The following SLC16A12 variants were observed in gnomAD, a reference collection of about 807,000 sequenced individuals.
SLC16A12 encodes the protein monocarboxylate transporter 12.
A neutral mutation model predicts 42.4 loss-of-function variants in SLC16A12; 17 were observed. The ratio of observed to expected loss-of-function variants is 0.40; its 90% CI spans 0.27 to 0.60. The LOEUF is 0.60. Among genes scored for constraint, SLC16A12 ranks in the 20% least tolerant of loss-of-function variants. The pLI is 0.42. For missense variants in SLC16A12, 544 were observed against 623.0 expected (o/e 0.87, Z 1.35); for synonymous variants, 224 against 229.4 (o/e 0.98, Z 0.21).
chr10:89,531,300 G>C (rs1843549834), intron 2 of SLC16A12, among the ~76,000 whole-genome samples: 1 of 152,128 alleles, frequency 6.6e-6, no homozygotes, highest in East Asian at 1.9e-4. Flanking sequence ...TCAGGAGGCT[G>C]AGGTGGGAAA....
intron 6 of SLC16A12, among the ~76,000 whole-genome samples, chr10:89,437,815 C>T (rs1022485527): frequency 1.3e-5 from 2 of 152,150 alleles, no homozygotes; most frequent in African/African-American, 4.8e-5. Context: ...GAGTAGCCTG[C>T]ACTCTTCAGT....
At chr10:89,511,152 C>G (rs138308163) in intron 2 of SLC16A12, among the ~76,000 whole-genome samples, 1 of 152,142 alleles carries the variant, frequency 6.6e-6, no homozygotes, top group Non-Finnish European at 1.5e-5. Context: ...TTAGTTCAAC[C>G]ATTGTGGAAG....
chr10:89,512,082 C>T (rs304468), intron 2 of SLC16A12, among the ~76,000 whole-genome samples: 49,196 of 152,010 alleles, frequency 0.32, 8,652 homozygotes, highest in Non-Finnish European at 0.41. Context: ...ATTCCACTTA[C>T]GTGAGGTCCT....
intron 2 of SLC16A12, among the ~76,000 whole-genome samples, chr10:89,491,462 G>T (rs1331356632): frequency 6.6e-6 from 1 of 150,754 alleles, no homozygotes; most frequent in Non-Finnish European, 1.5e-5. Flanking sequence ...GTAAGATTGT[G>T]CCCTATTTTC....
chr10:89,547,623 T>C (rs1165350434), intron 2 of SLC16A12, among the ~76,000 whole-genome samples: 2 of 152,144 alleles, frequency 1.3e-5, no homozygotes, highest in Non-Finnish European at 2.9e-5. Context: ...TAAGAAAAGG[T>C]ATGTGATCAT....
intron 2 of SLC16A12, among the ~76,000 whole-genome samples, chr10:89,483,325 A>G (rs1036188440): frequency 6.6e-6 from 1 of 152,154 alleles, no homozygotes. Flanking sequence ...TGGTGGGAAC[A>G]CAAACATTGA....
intron 2 of SLC16A12, among the ~76,000 whole-genome samples, chr10:89,510,152 A>C (rs551352972): frequency 5.3e-5 from 8 of 152,364 alleles, no homozygotes; most frequent in African/African-American, 1.9e-4. Flanking sequence ...GAAAATGGCC[A>C]TACAGCCCAA....
intron 2 of SLC16A12, among the ~76,000 whole-genome samples, chr10:89,493,822 G>T (rs751280157): frequency 2.6e-5 from 4 of 152,130 alleles, no homozygotes; most frequent in Non-Finnish European, 5.9e-5. Context: ...CAGAAGCAGG[G>T]TGATAAAAAG....
At chr10:89,548,165 T>C (rs1843752061) in intron 2 of SLC16A12, among the ~76,000 whole-genome samples, 1 of 152,126 alleles carries the variant, frequency 6.6e-6, no homozygotes, top group African/African-American at 2.4e-5. Context: ...TATTTGTCAG[T>C]GTATTCTCCA....
At chr10:89,476,046 G>T (rs1308670680) in intron 2 of SLC16A12, among the ~76,000 whole-genome samples, 1 of 152,202 alleles carries the variant, frequency 6.6e-6, no homozygotes, top group African/African-American at 2.4e-5. Flanking sequence ...AACATTGGGT[G>T]TAGTGTCTGG....
intron 2 of SLC16A12, among the ~76,000 whole-genome samples, chr10:89,511,752 A>T (rs1442598557): frequency 3.9e-5 from 6 of 152,164 alleles, no homozygotes; most frequent in Non-Finnish European, 8.8e-5. Context: ...AATAAAATTT[A>T]AAAACAAACA....
chr10:89,501,694 T>C (rs1842992560), intron 2 of SLC16A12, among the ~76,000 whole-genome samples: 1 of 152,192 alleles, frequency 6.6e-6, no homozygotes, highest in African/African-American at 2.4e-5. Context: ...AAGGTTGCAG[T>C]GAGCCAAGAT....
intron 2 of SLC16A12, among the ~76,000 whole-genome samples, chr10:89,542,783 G>T (rs1178829066): frequency 6.6e-6 from 1 of 152,068 alleles, no homozygotes; most frequent in African/African-American, 2.4e-5. Context: ...TGGAAACTCT[G>T]GCCATTCCTA....
intron 2 of SLC16A12, among the ~76,000 whole-genome samples, chr10:89,506,896 C>G (rs1843071574): frequency 6.6e-6 from 1 of 151,870 alleles, no homozygotes; most frequent in Non-Finnish European, 1.5e-5. Context: ...CCTGATGGAG[C>G]TGAAAAACGC....
intron 2 of SLC16A12, among the ~76,000 whole-genome samples, chr10:89,489,303 T>C (rs917071185): frequency 1.3e-5 from 2 of 152,186 alleles, no homozygotes; most frequent in African/African-American, 4.8e-5. Flanking sequence ...TTATTCTTTA[T>C]ATACTAAAGA....
chr10:89,435,387 C>G (rs890800443), intron 7 of SLC16A12, among the ~76,000 whole-genome samples: 1 of 152,190 alleles, frequency 6.6e-6, no homozygotes, highest in African/African-American at 2.4e-5. Context: ...CTAAATTCTG[C>G]TGAATTTTGT....
At position 89,432,759 on chromosome 10, in the gene SLC16A12, A is replaced by C. The variant is rs1429445088; in HGVS notation, c.*305T>G. On this transcript the variant is annotated 3_prime_UTR_variant, in exon 8 of 8. Transcript: ENST00000371790. ...GTCATCTGCTTTGGTTATGCTTTGA[A>C]ATTATCCCTAATTACAGCTAATTAT... The C allele has an allele frequency of 6.4e-6, 2 of 310,230 alleles. No homozygotes were observed. Among genetic ancestry groups the C allele is most frequent in the Middle Eastern group, 1.0e-3 (1 of 968 alleles). The allele number at this position is 310,230 out of a possible 1,614,324, so 19.2% of individuals were successfully genotyped here. A position where few individuals can be genotyped will look rare whatever the true frequency, so the allele number is the denominator to read the frequency against.
intron 3 of SLC16A12, among the ~76,000 whole-genome samples, chr10:89,451,239 C>T (rs575835526): frequency 1.5e-4 from 23 of 152,272 alleles, no homozygotes; most frequent in African/African-American, 5.3e-4. Flanking sequence ...TCCCCAGTTG[C>T]TGCTGGGTGT....
In SLC16A12 at chr10:89,458,516, A is replaced by G. The variant is rs536811846; in HGVS notation, c.200+3863T>C. Reference sequence around the variant, plus strand: ...AAGATTTGGCATAAGCGCACCAACTATAATTAAGGAAATGACTCAAGTGAC... The same window carrying G: ...AAGATTTGGCATAAGCGCACCAACTGTAATTAAGGAAATGACTCAAGTGAC... On this transcript the variant is annotated intron_variant, in intron 3 of 7. Coordinates refer to ENST00000371790, the MANE Select transcript of SLC16A12 (RefSeq NM_213606.4). Among the ~76,000 whole-genome samples the G allele has an allele frequency of 2.0e-5, 3 of 152,316 alleles. No individual in the cohort carries two copies. The East Asian group carries it at 5.8e-4, about 29-fold the overall frequency.
Sources: allele counts gnomAD v4.1 joint callset (sites outside exome capture counted in the v4.1 genomes callset), GRCh38; gene constraint gnomAD v4.1.1; transcripts MANE v1.5; gene names NCBI Gene and HGNC (gene_info 2026-07-23, HGNC 2026-07-21).